ADAMTS18: variants seen among roughly 807,000 people sequenced by gnomAD.
ADAMTS18 encodes the protein ADAM metallopeptidase with thrombospondin type 1 motif 18, also known as A disintegrin and metalloproteinase with thrombospondin motifs 18.
ADAMTS18 carries 157 observed loss-of-function variants against 165.9 expected under a neutral mutation model. The ratio of observed to expected loss-of-function variants is 0.95; its 90% CI spans 0.83 to 1.08. ADAMTS18 has a LOEUF of 1.08. ADAMTS18 is among the 50% of genes least tolerant of loss of function. ADAMTS18 has a pLI of 0.00. For missense variants in ADAMTS18, 2,040 were observed against 1,534.0 expected (o/e 1.33, Z -5.51); for synonymous variants, 782 against 578.2 (o/e 1.35, Z -5.06).
intron 3 of ADAMTS18, among the ~76,000 whole-genome samples, chr16:77,368,524 C>A (rs1160804122): frequency 6.7e-6 from 1 of 149,820 alleles, no homozygotes; most frequent in Non-Finnish European, 1.5e-5. Context: ...GTAGCCTTGA[C>A]CTACTGGTCT....
intron 3 of ADAMTS18, among the ~76,000 whole-genome samples, chr16:77,382,138 A>T (rs1045438439): frequency 6.6e-6 from 1 of 152,210 alleles, no homozygotes; most frequent in Admixed American, 6.5e-5. Flanking sequence ...CCACAATAAT[A>T]AAAGATACCA....
intron 3 of ADAMTS18, among the ~76,000 whole-genome samples, chr16:77,375,725 C>G (rs1466708934): frequency 6.6e-6 from 1 of 152,102 alleles, no homozygotes; most frequent in Non-Finnish European, 1.5e-5. Context: ...TCTCTCATTG[C>G]TATAAAGAAC....
intron 22 of ADAMTS18, among the ~76,000 whole-genome samples, chr16:77,288,734 C>T (rs754719604): frequency 9.2e-5 from 14 of 152,052 alleles, no homozygotes; most frequent in East Asian, 3.9e-4. Flanking sequence ...TGTTGTTCAC[C>T]TTTATGTTCC....
chr16:77,304,513 C>A (rs774122979), intron 16 of ADAMTS18, among the ~76,000 whole-genome samples: 2 of 152,304 alleles, frequency 1.3e-5, no homozygotes, highest in Non-Finnish European at 2.9e-5. Flanking sequence ...TCTATTCCCC[C>A]CTCTGAAAAA....
Position 77,363,802 on chromosome 16 carries a change from A to C in ADAMTS18, c.1056T>G (p.Pro352=). ...GACATAAATGAAGTTTGCCACTTACAGGTTCTTGTTCCAGAAGAATTAGGC... is the reference window on the plus strand; with the variant it reads ...GACATAAATGAAGTTTGCCACTTACCGGTTCTTGTTCCAGAAGAATTAGGC... The part of the protein sequence containing the change: ...VVSLILLEQE[P]GGLLINHHAD... Residue 352 remains proline (P), a splice_region_variant and synonymous_variant, in exon 6 of 23, where the codon CCT becomes CCG. Coordinates refer to ENST00000282849, the MANE Select transcript of ADAMTS18 (RefSeq NM_199355.4). 1 of 1,613,722 alleles carries C rather than the reference A, an allele frequency of 6.2e-7. No homozygotes were observed. The highest frequency in any genetic ancestry group is 8.5e-7 in the Non-Finnish European group (1 of 1,179,736).
rs2057457269 is a variant in ADAMTS18, at chr16:77,411,114, T to C, written c.495+20181A>G. The stretch of plus-strand genomic sequence containing the variant: ...AGAGTAGTATGGCAGCAATGATTTA[T>C]TGTGATGCTTGATGCTTATTGAGTA... On this transcript the variant is annotated intron_variant, in intron 3 of 22. Transcript: ENST00000282849. Among the ~76,000 whole-genome samples the C allele has an allele frequency of 2.0e-5, 3 of 152,336 alleles. No individual in the cohort carries two copies. In the South Asian group the frequency reaches 6.2e-4, roughly 32 times the overall value.
Position 77,434,605 on chromosome 16 carries a change from C to A in ADAMTS18, c.90+1G>T. 1 of 1,524,088 alleles carries A rather than the reference C, an allele frequency of 6.6e-7. No homozygotes were observed. Among genetic ancestry groups the A allele is most frequent in the Non-Finnish European group, 8.8e-7 (1 of 1,141,316 alleles). The allele number at this position is 1,524,088 out of a possible 1,614,324, so 94.4% of individuals were successfully genotyped here. On this transcript the variant is annotated splice_donor_variant, in intron 1 of 22. Coordinates refer to ENST00000282849, the MANE Select transcript of ADAMTS18 (RefSeq NM_199355.4). LOFTEE classifies it high-confidence loss of function. The stretch of plus-strand genomic sequence containing the variant: ...TCGGAGCTCCGCTCGGCGGCACCTG[C>A]CTTGGCCACGCGCCCCAGTCCCGCC...
At chr16:77,302,996 C>T (rs576246425) in intron 16 of ADAMTS18, among the ~76,000 whole-genome samples, 1 of 152,286 alleles carries the variant, frequency 6.6e-6, no homozygotes, top group Admixed American at 6.5e-5. Context: ...ACAAAATTAT[C>T]AATGCAACCA....
intron 13 of ADAMTS18, among the ~76,000 whole-genome samples, chr16:77,325,032 T>C (rs890335679): frequency 3.3e-5 from 5 of 152,218 alleles, no homozygotes; most frequent in African/African-American, 1.2e-4. Context: ...GTGATGCCTG[T>C]AATTATATTA....
At chr16:77,404,574 C>G (rs140090865) in intron 3 of ADAMTS18, among the ~76,000 whole-genome samples, 1 of 152,306 alleles carries the variant, frequency 6.6e-6, no homozygotes, top group Non-Finnish European at 1.5e-5. Context: ...CATAATTTGA[C>G]TCTCAAATAC....
chr16:77,414,449 T>C (rs2057504050), intron 3 of ADAMTS18, among the ~76,000 whole-genome samples: 1 of 152,260 alleles, frequency 6.6e-6, no homozygotes, highest in Non-Finnish European at 1.5e-5. Flanking sequence ...CCGATTATTA[T>C]TTTGAAATAC....
chr16:77,396,613 T>G (rs10445082), intron 3 of ADAMTS18, among the ~76,000 whole-genome samples: 18,772 of 152,170 alleles, frequency 0.12, 1,401 homozygotes, highest in East Asian at 0.22. Flanking sequence ...AGAGAAAACC[T>G]GCAGAGAGGA....
At chr16:77,364,460 G>C (rs1372681110) in intron 4 of ADAMTS18, 79 bp from the exon 5 acceptor site, 4 of 1,472,008 alleles carry the variant, frequency 2.7e-6, no homozygotes, top group Non-Finnish European at 3.7e-6. Flanking sequence ...ACTGAAACAA[G>C]GGAAGAAGAG....
chr16:77,336,711 C>G (rs2144677039), intron 11 of ADAMTS18, among the ~76,000 whole-genome samples: 1 of 152,262 alleles, frequency 6.6e-6, no homozygotes, highest in East Asian at 1.9e-4. Flanking sequence ...GTAACAAATT[C>G]CTGGCTTTGC....
At chr16:77,421,606 A>G (rs941220293) in intron 3 of ADAMTS18, among the ~76,000 whole-genome samples, 3 of 152,208 alleles carry the variant, frequency 2.0e-5, no homozygotes, top group African/African-American at 4.8e-5. Context: ...CAAGGATGAA[A>G]TGAGTTCTCA....
intron 3 of ADAMTS18, among the ~76,000 whole-genome samples, chr16:77,410,807 G>C (rs556985360): frequency 3.8e-4 from 58 of 152,254 alleles, no homozygotes; most frequent in Admixed American, 8.5e-4. Flanking sequence ...ACTGAGTACA[G>C]GTAGCTGGGA....
chr16:77,284,939 G>C (rs1351496031), intron 22 of ADAMTS18, among the ~76,000 whole-genome samples: 3 of 151,232 alleles, frequency 2.0e-5, no homozygotes, highest in African/African-American at 4.9e-5. Flanking sequence ...AACTGAAAAA[G>C]CCGGGTCTCC....
At chr16:77,305,358 TA>T (rs891191315) in intron 16 of ADAMTS18, among the ~76,000 whole-genome samples, 2 of 151,518 alleles carry the variant, frequency 1.3e-5, no homozygotes, top group African/African-American at 2.4e-5. Context: ...ACCCTGTTCT[TA>T]AAAAAAAATC....
At chr16:77,396,234 G>C (rs2057255272) in intron 3 of ADAMTS18, among the ~76,000 whole-genome samples, 1 of 152,102 alleles carries the variant, frequency 6.6e-6, no homozygotes, top group Non-Finnish European at 1.5e-5. Flanking sequence ...ATTCCAGTTG[G>C]GTAAATACAA....
Sources: allele counts gnomAD v4.1 joint callset (sites outside exome capture counted in the v4.1 genomes callset), GRCh38; gene constraint gnomAD v4.1.1; transcripts MANE v1.5; gene names NCBI Gene and HGNC (gene_info 2026-07-23, HGNC 2026-07-21).